The following PHC1 variants were observed in gnomAD, a reference collection of about 807,000 sequenced individuals.
PHC1 encodes polyhomeotic-like protein 1.
Under a neutral mutation model 104.3 loss-of-function variants are expected in PHC1, and 12 were observed. That is an observed-to-expected ratio of 0.12 (90% CI 0.07 to 0.19). PHC1 has a LOEUF of 0.19. Among genes scored for constraint, PHC1 ranks in the 10% least tolerant of loss-of-function variants. The pLI is 1.00. For missense variants in PHC1, 671 were observed against 1,200.0 expected (o/e 0.56, Z 6.51); for synonymous variants, 302 against 455.8 (o/e 0.66, Z 4.30).
At chr12:8,914,964 C>G (rs1335728800) in intron 1 of PHC1, 137 bp downstream of exon 1, 2 of 154,118 alleles carry the variant, frequency 1.3e-5, no homozygotes, top group African/African-American at 4.8e-5. Flanking sequence ...ACCTCCGGCG[C>G]TGAGCTCTGC....
chr12:8,934,254 G>A lies in PHC1; in HGVS notation c.2042-13G>A, dbSNP rs760456528. 1.9e-5 allele frequency: 31 copies of A among 1,601,896 alleles called. No individual in the cohort carries two copies. Among genetic ancestry groups the A allele is most frequent in the Non-Finnish European group, 2.6e-5 (30 of 1,169,552 alleles). ...ATCTCATGTCTGTTGCTTAATCTGT[G>A]TTTGTTTTCCAGAAAAAGCTGAATC... On this transcript the variant is annotated splice_polypyrimidine_tract_variant and intron_variant, in intron 9 of 14. Transcript: ENST00000544916.
At chr12:8,924,972 G>A (rs1030048132) in intron 6 of PHC1, among the ~76,000 whole-genome samples, 1 of 152,176 alleles carries the variant, frequency 6.6e-6, no homozygotes, top group East Asian at 1.9e-4. Flanking sequence ...TTAGACTCTG[G>A]TGATAGCAAT....
In PHC1 at chr12:8,930,661, G is replaced by A. The variant is rs1477227114; in HGVS notation, c.839G>A (p.Gly280Asp). 7.1e-7 allele frequency: 1 copy of A among 1,411,778 alleles called. No individual in the cohort carries two copies. Among genetic ancestry groups the A allele is most frequent in the African/African-American group, 1.4e-5 (1 of 70,870 alleles). 87.5% of individuals were successfully genotyped at this position (1,411,778 alleles called of 1,614,324 possible). A position where few individuals can be genotyped will look rare whatever the true frequency, so the allele number is the denominator to read the frequency against. Residue 280 changes from glycine to aspartate, a missense_variant, in exon 7 of 15, where the codon GGT becomes GAT. Coordinates refer to ENST00000544916, the MANE Select transcript of PHC1 (RefSeq NM_004426.3). Reference protein sequence around the residue: ...GSGNSIPGSMGPGGGGQAHGG... With the variant: ...GSGNSIPGSMDPGGGGQAHGG... ...GGGAATAGCATCCCAGGGTCCATGGGTCCAGGTGGAGGTGGGCAGGCACAT... is the reference window on the plus strand; with the variant it reads ...GGGAATAGCATCCCAGGGTCCATGGATCCAGGTGGAGGTGGGCAGGCACAT...
Position 8,919,550 on chromosome 12 carries a change from G to T in PHC1, c.115-206G>T, listed in dbSNP as rs111674759. Among the ~76,000 whole-genome samples, 1 of 152,096 alleles carries T rather than the reference G, an allele frequency of 6.6e-6. No homozygotes were observed. The highest frequency in any genetic ancestry group is 6.5e-5 in the Admixed American group (1 of 15,268). Reference sequence around the variant, plus strand: ...TGAGGTTACAGTAAACTATGATCACGCCACTGTGCTCCAGCCTGGTGATAG... The same window carrying T: ...TGAGGTTACAGTAAACTATGATCACTCCACTGTGCTCCAGCCTGGTGATAG... On this transcript the variant is annotated intron_variant, in intron 2 of 14. Transcript: ENST00000544916. This position sits in a 1 kb window ranked among gnomAD's most constrained non-coding sequence, Gnocchi z 4.9.
At chr12:8,916,493 T>C (rs1266195095) in intron 1 of PHC1, among the ~76,000 whole-genome samples, 9 of 152,062 alleles carry the variant, frequency 5.9e-5, no homozygotes, top group Non-Finnish European at 1.2e-4. Context: ...GTGTGTAGCT[T>C]AACAAAAGAG....
In PHC1 at chr12:8,919,948, C is replaced by G; in HGVS notation, c.225+82C>G. The G allele has an allele frequency of 1.3e-6, 2 of 1,548,608 alleles. No homozygotes were observed. Among genetic ancestry groups the G allele is most frequent in the Non-Finnish European group, 1.7e-6 (2 of 1,143,998 alleles). On this transcript the variant is annotated intron_variant, in intron 3 of 14. Transcript: ENST00000544916. This position sits in a 1 kb window ranked among gnomAD's most constrained non-coding sequence, Gnocchi z 4.9. ...TAGGGGAGATTTTTTGGGCATATAG[C>G]ATCCTATACTAAGCCAGGCTGCAGA... is the stretch of plus-strand genomic sequence containing the variant.
chr12:8,925,040 C>T (rs1002949532), intron 6 of PHC1, among the ~76,000 whole-genome samples: 18 of 152,272 alleles, frequency 1.2e-4, no homozygotes, highest in Admixed American at 3.3e-4. Context: ...TTTATCCGCT[C>T]ATTCATTCAT....
chr12:8,938,100 T>G, intron 14 of PHC1, 40 bp downstream of exon 14: 2 of 1,416,928 alleles, frequency 1.4e-6, no homozygotes, highest in African/African-American at 2.8e-5. Flanking sequence ...GTTGTTTTCC[T>G]TAACATCATC....
intron 11 of PHC1, 22 bp from the exon 12 acceptor site, chr12:8,936,834 C>A: frequency 6.9e-7 from 1 of 1,455,760 alleles, no homozygotes. Flanking sequence ...TGGTGACTGT[C>A]CAGCAATACC....
intron 12 of PHC1, 70 bp from the exon 13 acceptor site, chr12:8,937,106 G>C: frequency 6.5e-7 from 1 of 1,538,162 alleles, no homozygotes; most frequent in Non-Finnish European, 8.9e-7. Context: ...CTCATAAGCA[G>C]AAATTCACAT....
chr12:8,931,507 C>G (rs1011561834), intron 7 of PHC1, among the ~76,000 whole-genome samples: 1 of 152,204 alleles, frequency 6.6e-6, no homozygotes. Flanking sequence ...TGAGACTAGC[C>G]TGGCCATCAT....
chr12:8,934,173 A>T (rs1231313969), intron 9 of PHC1, 94 bp from the exon 10 acceptor site: 7 of 1,297,680 alleles, frequency 5.4e-6, no homozygotes, highest in Non-Finnish European at 7.7e-6. Context: ...TCAAGGGTGG[A>T]CATAGATTAT....
At chr12:8,928,311 A>G (rs1294401247) in intron 6 of PHC1, among the ~76,000 whole-genome samples, 1 of 152,182 alleles carries the variant, frequency 6.6e-6, no homozygotes, top group Non-Finnish European at 1.5e-5. Flanking sequence ...TTTTTAAATA[A>G]GAAAATATAT....
intron 11 of PHC1, among the ~76,000 whole-genome samples, chr12:8,935,542 C>G (rs1026034493): frequency 9.2e-5 from 14 of 151,876 alleles, no homozygotes; most frequent in African/African-American, 3.4e-4. Context: ...GGGAGAACCA[C>G]TTGAACCTGG....
intron 6 of PHC1, among the ~76,000 whole-genome samples, chr12:8,928,546 G>A (rs775527326): frequency 4.6e-5 from 7 of 152,072 alleles, no homozygotes; most frequent in Admixed American, 3.9e-4. Flanking sequence ...CTTCCCTCGG[G>A]TCCTTTTTTA....
chr12:8,919,987 C>T lies in PHC1; in HGVS notation c.225+121C>T. The T allele has an allele frequency of 6.9e-7, 1 of 1,444,398 alleles. No individual in the cohort carries two copies. The highest frequency in any genetic ancestry group is 2.5e-5 in the East Asian group (1 of 39,918). The allele number at this position is 1,444,398 out of a possible 1,614,324, so 89.5% of individuals were successfully genotyped here. A position where few individuals can be genotyped will look rare whatever the true frequency, so the allele number is the denominator to read the frequency against. ...CCAGGCTGCAGACAGCCTCCTCCGC[C>T]TCCTGTCCTTCTGTGGGAGGATGGA... is the stretch of plus-strand genomic sequence containing the variant. On this transcript the variant is annotated intron_variant, in intron 3 of 14. Transcript: ENST00000544916. The surrounding 1 kb of genome is among the most constrained non-coding windows in gnomAD (Gnocchi z 4.9).
At chr12:8,932,182 A>G (rs1945705084) in intron 7 of PHC1, among the ~76,000 whole-genome samples, 1 of 129,850 alleles carries the variant, frequency 7.7e-6, no homozygotes, top group Admixed American at 8.2e-5. Context: ...AATGAATAAA[A>G]CATGGATTCA....
chr12:8,930,975 ATTTTCCTTTTTTTCTTTT>A (rs1945667304), intron 7 of PHC1, 48 bp downstream of exon 7: 1 of 1,540,446 alleles, frequency 6.5e-7, no homozygotes, highest in Non-Finnish European at 8.7e-7. Context: ...TTCATGTGAA[ATTTTCCTTTTTTTCTTTT>A]TTTGCCTTTT....
intron 2 of PHC1, among the ~76,000 whole-genome samples, chr12:8,918,452 C>G (rs370229102): frequency 6.6e-6 from 1 of 152,050 alleles, no homozygotes; most frequent in African/African-American, 2.4e-5. Flanking sequence ...ATTACCTTTA[C>G]TGTATACCTA....
Sources: allele counts gnomAD v4.1 joint callset (sites outside exome capture counted in the v4.1 genomes callset), GRCh38; gene constraint gnomAD v4.1.1; non-coding constraint Gnocchi (gnomAD v3.1); transcripts MANE v1.5; gene names NCBI Gene and HGNC (gene_info 2026-07-23, HGNC 2026-07-21).